PNPLA1: variants seen among roughly 807,000 people sequenced by gnomAD.
PNPLA1 encodes the protein patatin like domain 1, omega-hydroxyceramide transacylase.
In PNPLA1, 36 loss-of-function variants were observed where a neutral mutation model predicts 51.7. The ratio of observed to expected loss-of-function variants is 0.70; its 90% confidence interval spans 0.53 to 0.92. PNPLA1 has a LOEUF of 0.92. Among genes scored for constraint, PNPLA1 ranks in the 40% least tolerant of loss-of-function variants. The pLI, the probability that PNPLA1 is intolerant of heterozygous loss-of-function variation, is 0.00. For synonymous variants in PNPLA1, 293 were observed against 280.1 expected, an observed-to-expected ratio of 1.05 and a Z score of -0.46; for missense variants, 658 against 682.5, an observed-to-expected ratio of 0.96 and a Z score of 0.40.
At chr6:36,255,591 G>A (rs1769515334) in intron 1 of PNPLA1, among the ~76,000 whole-genome samples, 1 of 152,160 alleles carries the variant, frequency 6.6e-6, no homozygotes, top group Admixed American at 6.5e-5. Flanking sequence ...GGAGGCTGAG[G>A]CAGGAGAATC....
At chr6:36,288,139 C>T (rs557694667) in intron 1 of PNPLA1, among the ~76,000 whole-genome samples, 1 of 152,256 alleles carries the variant, frequency 6.6e-6, no homozygotes, top group Non-Finnish European at 1.5e-5. Context: ...GACCTAGCAT[C>T]CTCACTTCTA....
intron 1 of PNPLA1, among the ~76,000 whole-genome samples, chr6:36,271,964 T>C (rs1327461354): frequency 6.6e-6 from 1 of 152,176 alleles, no homozygotes; most frequent in Non-Finnish European, 1.5e-5. Flanking sequence ...GAGCTCCTAA[T>C]AGCGCCTAGT....
intron 1 of PNPLA1, among the ~76,000 whole-genome samples, chr6:36,263,306 G>A (rs528119359): frequency 5.9e-5 from 9 of 152,222 alleles, no homozygotes; most frequent in East Asian, 1.9e-4. Flanking sequence ...TAGTACCAAC[G>A]TCTACATGTT....
intron 1 of PNPLA1, among the ~76,000 whole-genome samples, chr6:36,282,327 G>A (rs1770344177): frequency 6.6e-6 from 1 of 152,192 alleles, no homozygotes; most frequent in Admixed American, 6.5e-5. Context: ...TTATGGAAAT[G>A]GTGTCATTGT....
At chr6:36,275,053 C>T (rs1316229712) in intron 1 of PNPLA1, among the ~76,000 whole-genome samples, 1 of 151,856 alleles carries the variant, frequency 6.6e-6, no homozygotes, top group African/African-American at 2.4e-5. Flanking sequence ...CAAATGTATC[C>T]ATCTTTTCAT....
At chr6:36,274,379 A>G (rs1027015941) in intron 1 of PNPLA1, among the ~76,000 whole-genome samples, 4 of 152,202 alleles carry the variant, frequency 2.6e-5, no homozygotes, top group African/African-American at 7.2e-5. Flanking sequence ...TGGAATTTCC[A>G]CACAGACCTG....
intron 1 of PNPLA1, among the ~76,000 whole-genome samples, chr6:36,275,948 T>TTTTCTTTC (rs547037174): frequency 7.1e-5 from 10 of 141,184 alleles, no homozygotes; most frequent in South Asian, 4.4e-4. Context: ...ACCTATGGCA[T>TTTTCTTTC]TTTCTTTCTT....
At chr6:36,260,820 A>G (rs571375894) in intron 1 of PNPLA1, among the ~76,000 whole-genome samples, 1 of 152,038 alleles carries the variant, frequency 6.6e-6, no homozygotes, top group South Asian at 2.1e-4. Flanking sequence ...TTTCCATATG[A>G]TTTTTTTCTG....
chr6:36,254,531 C>T (rs1769487840), intron 1 of PNPLA1, among the ~76,000 whole-genome samples: 1 of 151,468 alleles, frequency 6.6e-6, no homozygotes, highest in Non-Finnish European at 1.5e-5. Flanking sequence ...ACTATGATCA[C>T]AGTACTGCAT....
chr6:36,289,283 T>C (rs2127342841), intron 1 of PNPLA1, among the ~76,000 whole-genome samples: 1 of 152,316 alleles, frequency 6.6e-6, no homozygotes, highest in East Asian at 1.9e-4. Context: ...CCATTGACCC[T>C]TGCCAGGTGT....
intron 2 of PNPLA1, 27 bp downstream of exon 2, chr6:36,291,579 G>GGGC: frequency 1.2e-4 from 12 of 103,646 alleles, no homozygotes; most frequent in South Asian, 5.3e-4. Flanking sequence ...GGGAGGGAGG[G>GGGC]ACACGGAGGG....
chr6:36,271,450 C>T (rs549111692), intron 1 of PNPLA1, among the ~76,000 whole-genome samples: 43 of 152,236 alleles, frequency 2.8e-4, no homozygotes, highest in African/African-American at 8.7e-4. Context: ...ACAAGGTCCC[C>T]GCCCTTGTGG....
chr6:36,302,552 G>A (rs574510191), intron 6 of PNPLA1, 83 bp downstream of exon 6: 3 of 1,487,366 alleles, frequency 2.0e-6, no homozygotes, highest in South Asian at 1.4e-5. Context: ...GCTGATAACC[G>A]CTTCTTTAGG....
At chr6:36,250,705 T>C (rs996729673) in intron 1 of PNPLA1, among the ~76,000 whole-genome samples, 2 of 152,062 alleles carry the variant, frequency 1.3e-5, no homozygotes, top group African/African-American at 4.8e-5. Flanking sequence ...GCAATAGAAA[T>C]GTAAGAGGTA....
chr6:36,298,001 C>A (rs1465022147), intron 5 of PNPLA1, among the ~76,000 whole-genome samples: 1 of 152,212 alleles, frequency 6.6e-6, no homozygotes, highest in Non-Finnish European at 1.5e-5. Flanking sequence ...CATTCCCAAG[C>A]AACCCCTGAT....
intron 7 of PNPLA1, among the ~76,000 whole-genome samples, chr6:36,307,217 G>A (rs888675237): frequency 2.6e-5 from 4 of 152,122 alleles, no homozygotes; most frequent in Non-Finnish European, 5.9e-5. Context: ...CTCACATCAA[G>A]CATATTAAAA....
intron 1 of PNPLA1, among the ~76,000 whole-genome samples, chr6:36,263,755 G>T (rs1010010661): frequency 1.3e-5 from 2 of 151,278 alleles, no homozygotes; most frequent in Non-Finnish European, 2.9e-5. Context: ...ATAGCAGAGG[G>T]CTGGGGTGGG....
chr6:36,280,953 C>A (rs1770260476), intron 1 of PNPLA1, among the ~76,000 whole-genome samples: 1 of 152,154 alleles, frequency 6.6e-6, no homozygotes, highest in Admixed American at 6.5e-5. Context: ...CCATGTCTGG[C>A]TAATTTTTAA....
At position 36,270,399 on chromosome 6, in the gene PNPLA1, C is replaced by A. The variant is rs1003845585; in HGVS notation, c.-61C>A. On this transcript the variant is annotated 5_prime_UTR_variant, in exon 1 of 9. Coordinates refer to ENST00000636260, the MANE Select transcript of PNPLA1 (RefSeq NM_001374623.1). ...TTCCTACAGGGAGCGGCAGCCCAGG[C>A]TCGGGCAGGCAAGTGCTGAAGGGTG... The A allele has an allele frequency of 1.3e-6, 2 of 1,524,504 alleles. No homozygotes were observed. Among genetic ancestry groups the A allele is most frequent in the South Asian group, 1.2e-5 (1 of 82,926 alleles). The allele number at this position is 1,524,504 out of a possible 1,614,324, so 94.4% of individuals were successfully genotyped here.
Sources: allele counts gnomAD v4.1 joint callset (sites outside exome capture counted in the v4.1 genomes callset), GRCh38; gene constraint gnomAD v4.1.1; transcripts MANE v1.5; gene names NCBI Gene and HGNC (gene_info 2026-07-23, HGNC 2026-07-21).